The following SUGP2 variants were observed in gnomAD, a reference collection of about 807,000 sequenced individuals.
SUGP2 encodes the protein SURP and G-patch domain-containing protein 2.
A neutral mutation model predicts 90.5 loss-of-function variants in SUGP2; 24 were observed. The ratio of observed to expected loss-of-function variants is 0.27; its 90% CI spans 0.19 to 0.37. The LOEUF is 0.37. Among genes scored for constraint, SUGP2 ranks in the 10% least tolerant of loss-of-function variants. The pLI is 1.00. For missense variants in SUGP2, 1,233 were observed against 1,363.3 expected, an observed-to-expected ratio of 0.90 and a Z score of 1.51; for synonymous variants, 473 against 513.4, an observed-to-expected ratio of 0.92 and a Z score of 1.06.
intron 7 of SUGP2, among the ~76,000 whole-genome samples, 188 bp downstream of exon 7, chr19:19,003,980 G>C (rs1365768160): frequency 2.0e-5 from 3 of 152,234 alleles, no homozygotes; most frequent in Non-Finnish European, 4.4e-5. Flanking sequence ...AAGCCACAGG[G>C]TAGCAAGGAA....
intron 9 of SUGP2, 30 bp downstream of exon 9, chr19:18,995,114 C>CCCA: frequency 2.9e-5 from 46 of 1,572,072 alleles, no homozygotes; most frequent in Non-Finnish European, 3.7e-5. Flanking sequence ...AGGCCCCACC[C>CCCA]ACTCCCACCC....
At chr19:19,026,270 T>C in intron 2 of SUGP2, 44 bp from the exon 3 acceptor site, 1 of 1,463,422 alleles carries the variant, frequency 6.8e-7, no homozygotes, top group Non-Finnish European at 9.0e-7. Flanking sequence ...AGCCAAAAGA[T>C]ACTTTAGACC....
chr19:19,014,528 A>G (rs1010907794), intron 4 of SUGP2, among the ~76,000 whole-genome samples: 2 of 152,054 alleles, frequency 1.3e-5, no homozygotes, highest in African/African-American at 4.8e-5. Flanking sequence ...TTAAGGCTGG[A>G]CATGATGGCT....
chr19:19,016,272 C>G (rs1249285288), intron 4 of SUGP2, among the ~76,000 whole-genome samples: 1 of 152,044 alleles, frequency 6.6e-6, no homozygotes, highest in Non-Finnish European at 1.5e-5. Context: ...ATCTCGTGAT[C>G]CACCCACCTT....
rs1437455707 is a variant in SUGP2, at chr19:19,025,885, C to T, written c.463G>A (p.Glu155Lys). The part of the protein sequence containing the change: ...EQDFGHPVSQ[E>K]SSWSQEYSFG... ...CTATACTCCTGTGACCAAGAGGACT[C>T]TTGAGAAACTGGATGGCCAAAGTCT... The change falls in exon 3 of 11, where the codon GAG becomes AAG. Residue 155 changes from glutamate to lysine, a missense_variant. Glu to Lys is a moderately conservative substitution (Grantham distance 56, BLOSUM62 1). This residue lies in a region of SUGP2 where 418 missense variants were observed against 399.9 expected (regional missense o/e 1.05). Transcript: ENST00000452918. The T allele has an allele frequency of 5.0e-6, 8 of 1,614,060 alleles. No individual in the cohort carries two copies. The highest frequency in any genetic ancestry group is 1.3e-5 in the African/African-American group (1 of 74,920).
At chr19:19,020,431 CAA>C (rs34971884) in intron 3 of SUGP2, among the ~76,000 whole-genome samples, 244 of 120,284 alleles carry the variant, frequency 2.0e-3, no homozygotes, top group Middle Eastern at 4.4e-3. Flanking sequence ...GACCCTGTCT[CAA>C]AAAAAAAAAA....
At chr19:18,994,888 T>C (rs1305973588) in intron 9 of SUGP2, 1 of 582,574 alleles carries the variant, frequency 1.7e-6, no homozygotes, top group African/African-American at 1.9e-5. Flanking sequence ...ACTTAGCTTT[T>C]ATGATGGTCA....
At chr19:18,999,481 C>T (rs116405288) in intron 8 of SUGP2, among the ~76,000 whole-genome samples, 1,654 of 152,302 alleles carry the variant, frequency 0.011, 35 homozygotes, top group African/African-American at 0.038. Flanking sequence ...AGCTAGAGTA[C>T]AGCTGTGCCT....
chr19:19,002,359 G>A (rs1332318558), intron 7 of SUGP2, among the ~76,000 whole-genome samples: 3 of 147,826 alleles, frequency 2.0e-5, no homozygotes, highest in Non-Finnish European at 4.5e-5. Context: ...CAGCCTGGGC[G>A]ACAAGAACAA....
intron 8 of SUGP2, among the ~76,000 whole-genome samples, 168 bp downstream of exon 8, chr19:19,001,445 C>T (rs1449928447): frequency 6.6e-6 from 1 of 152,214 alleles, no homozygotes; most frequent in Non-Finnish European, 1.5e-5. Flanking sequence ...AAAGGCAAAA[C>T]AGTTTTCAAA....
intron 1 of SUGP2, 21 bp from the exon 2 acceptor site, chr19:19,031,103 A>C: frequency 6.2e-7 from 1 of 1,604,158 alleles, no homozygotes; most frequent in South Asian, 1.1e-5. Context: ...AGAGAAAAAA[A>C]TACACTAAGA....
upstream of SUGP2, chr19:19,033,713 G>A (rs1167274849): frequency 3.7e-6 from 1 of 272,484 alleles, no homozygotes. Context: ...TCCCGGAAGG[G>A]GCGGCAAAGA....
chr19:19,006,373 A>G (rs1189776870), intron 6 of SUGP2, among the ~76,000 whole-genome samples: 1 of 152,168 alleles, frequency 6.6e-6, no homozygotes, highest in Admixed American at 6.5e-5. Flanking sequence ...ATTTACAAGC[A>G]TGGCTGGATA....
intron 2 of SUGP2, among the ~76,000 whole-genome samples, chr19:19,027,044 C>A (rs1384675661): frequency 6.6e-6 from 1 of 152,112 alleles, no homozygotes; most frequent in Admixed American, 6.6e-5. Flanking sequence ...CTTTGGGAGG[C>A]CGAGGTGGGA....
intron 3 of SUGP2, 66 bp downstream of exon 3, chr19:19,024,553 C>T (rs1367443804): frequency 2.6e-5 from 40 of 1,515,532 alleles, no homozygotes; most frequent in Non-Finnish European, 3.4e-5. Flanking sequence ...AAAAAAATCT[C>T]GAATAAAAGA....
chr19:18,999,419 G>A (rs1480215387), intron 8 of SUGP2, among the ~76,000 whole-genome samples: 5 of 152,130 alleles, frequency 3.3e-5, no homozygotes, highest in African/African-American at 9.7e-5. Context: ...AGACAAATCC[G>A]TGGCTCAGGG....
chr19:18,992,753 G>C lies in SUGP2; in HGVS notation c.*988C>G, dbSNP rs776567071. ...TGTGTCCCCTAATCCTGGGGTGTCA[G>C]AGGGATCCTAAGTTTTCCAGATTTT... On this transcript the variant is annotated 3_prime_UTR_variant, in exon 11 of 11. Transcript: ENST00000452918. 6.6e-6 allele frequency: 1 copy of C among 152,214 alleles called. No individual in the cohort carries two copies. The highest frequency in any genetic ancestry group is 1.5e-5 in the Non-Finnish European group (1 of 68,044). The allele number at this position is 152,214 out of a possible 1,614,324, so 9.4% of individuals were successfully genotyped here.
At chr19:19,005,517 C>T (rs1458305509) in intron 6 of SUGP2, among the ~76,000 whole-genome samples, 1 of 151,988 alleles carries the variant, frequency 6.6e-6, no homozygotes, top group East Asian at 1.9e-4. Context: ...CCCAAAGCCT[C>T]TAGAGTTAAA....
chr19:19,015,204 AAAATAAATAAAT>A (rs140520431), intron 4 of SUGP2, among the ~76,000 whole-genome samples: 178 of 146,632 alleles, frequency 1.2e-3, no homozygotes, highest in African/African-American at 3.2e-3. Context: ...TCTGTCTCAA[AAAATAAATAAAT>A]AAATAAATAA....
Sources: allele counts gnomAD v4.1 joint callset (sites outside exome capture counted in the v4.1 genomes callset), GRCh38; gene constraint gnomAD v4.1.1; regional missense constraint gnomAD v4.1.1; transcripts MANE v1.5; gene names NCBI Gene and HGNC (gene_info 2026-07-23, HGNC 2026-07-21).